Variants in GPA33 observed in about 807,000 individuals in gnomAD.
GPA33 encodes the protein cell surface A33 antigen.
GPA33 carries 27 observed loss-of-function variants against 35.6 expected under a neutral mutation model. The ratio of observed to expected loss-of-function variants is 0.76; its 90% CI spans 0.56 to 1.04. The LOEUF is 1.04. Among genes scored for constraint, GPA33 ranks in the 50% least tolerant of loss-of-function variants. GPA33 has a pLI of 0.00. For missense variants in GPA33, 428 were observed against 411.9 expected, an observed-to-expected ratio of 1.04 and a Z score of -0.34; for synonymous variants, 176 against 164.0, an observed-to-expected ratio of 1.07 and a Z score of -0.56.
intron 1 of GPA33, among the ~76,000 whole-genome samples, chr1:167,085,254 G>A (rs1408173155): frequency 6.6e-6 from 1 of 152,164 alleles, no homozygotes. Flanking sequence ...AGGCTGCTAA[G>A]GAGACATGGA....
chr1:167,062,646 CTT>C (rs768326263), intron 4 of GPA33, among the ~76,000 whole-genome samples: 1,195 of 79,968 alleles, frequency 0.015, 18 homozygotes, highest in Admixed American at 0.023. Flanking sequence ...ATAGCTCTTT[CTT>C]TTTTTTTTTT....
intron 3 of GPA33, among the ~76,000 whole-genome samples, chr1:167,064,301 G>C (rs191519434): frequency 6.4e-4 from 85 of 132,022 alleles, no homozygotes; most frequent in Non-Finnish European, 1.1e-3. Flanking sequence ...AGAAAGAAAA[G>C]AAAAAAAGAA....
rs1203464627 is a variant in GPA33 at position 167,053,290 on chromosome 1, C to T, written c.*1044G>A. 1 of 152,268 alleles carries T rather than the reference C, an allele frequency of 6.6e-6. No homozygotes were observed. The highest frequency in any genetic ancestry group is 6.5e-5 in the Admixed American group (1 of 15,288). 9.4% of individuals were successfully genotyped at this position (152,268 alleles called of 1,614,324 possible). On this transcript the variant is annotated 3_prime_UTR_variant, in exon 7 of 7. Transcript: ENST00000367868. ...CTCAGACCATCTGCAAGCAAGCTCC[C>T]TTGTGTGTGTTCACTTTAAATCAAT...
chr1:167,090,158 G>T lies in GPA33; in HGVS notation c.43+87C>A, dbSNP rs570456940. ...CTGTGTTGCTGGAGGCCCTTCCTGG[G>T]AAGGCTCTGACAGAGCCTCTCCTTC... On this transcript the variant is annotated intron_variant, in intron 1 of 6. Transcript: ENST00000367868. 26 of 1,022,710 alleles carry T rather than the reference G, an allele frequency of 2.5e-5. No homozygotes were observed. In the African/African-American group the frequency reaches 4.0e-4, roughly 16 times the overall value. The allele number at this position is 1,022,710 out of a possible 1,614,324, so 63.4% of individuals were successfully genotyped here.
intron 1 of GPA33, among the ~76,000 whole-genome samples, chr1:167,077,174 C>A (rs186249427): frequency 6.6e-6 from 1 of 151,950 alleles, no homozygotes; most frequent in Admixed American, 6.6e-5. Flanking sequence ...CCACTGCACT[C>A]CAACCTGGGC....
At chr1:167,079,484 CAAAA>C (rs59745946) in intron 1 of GPA33, among the ~76,000 whole-genome samples, 2 of 75,630 alleles carry the variant, frequency 2.6e-5, no homozygotes. Flanking sequence ...ACTCCGTCTC[CAAAA>C]AAAAAAAAAA....
chr1:167,080,706 C>T (rs1054878332), intron 1 of GPA33, among the ~76,000 whole-genome samples: 1 of 152,204 alleles, frequency 6.6e-6, no homozygotes, highest in African/African-American at 2.4e-5. Flanking sequence ...ACATAAAGTG[C>T]ATATCCTTTA....
chr1:167,088,273 C>T (rs928145538), intron 1 of GPA33, among the ~76,000 whole-genome samples: 5 of 152,200 alleles, frequency 3.3e-5, no homozygotes, highest in African/African-American at 1.2e-4. Flanking sequence ...GTGGTATCCT[C>T]TCATGAGGCA....
At chr1:167,070,727 T>C (rs965733492) in intron 2 of GPA33, among the ~76,000 whole-genome samples, 1 of 152,052 alleles carries the variant, frequency 6.6e-6, no homozygotes, top group African/African-American at 2.4e-5. Context: ...AGGTAAAAAA[T>C]GATGGGTCCT....
intron 4 of GPA33, among the ~76,000 whole-genome samples, chr1:167,061,578 TACTA>T (rs1265649596): frequency 6.7e-5 from 10 of 148,740 alleles, no homozygotes; most frequent in African/African-American, 1.7e-4. Context: ...GAGTGGATTC[TACTA>T]ACTGTTTTTT....
In GPA33 at chr1:167,068,942, C is replaced by A. The variant is rs757967948; in HGVS notation, c.395G>T (p.Arg132Leu). The stretch of plus-strand genomic sequence containing the variant: ...CTCACCGAGGACCAACAGGCGGACA[C>A]GTGACTTGGTGTTGCCCTCCAGGTC... ...MSDLEGNTKS[R>L]VRLLVLVPPS... The change falls in exon 3 of 7, where the codon CGT (arginine) becomes CTT (leucine). Residue 132 changes from arginine to leucine, a missense_variant. Coordinates refer to ENST00000367868, the MANE Select transcript of GPA33 (RefSeq NM_005814.3). 1 of 1,612,792 alleles carries A rather than the reference C, an allele frequency of 6.2e-7. No individual in the cohort carries two copies. The highest frequency in any genetic ancestry group is 1.3e-5 in the African/African-American group (1 of 74,868).
Position 167,068,936 on chromosome 1 carries a change from C to G in GPA33, c.401G>C (p.Arg134Pro). The change falls in exon 3 of 7, where the codon CGC becomes CCC. Residue 134 changes from arginine to proline, a missense_variant. Coordinates refer to ENST00000367868, the MANE Select transcript of GPA33 (RefSeq NM_005814.3). ...DLEGNTKSRVRLLVLVPPSKP... is the reference protein window; with the variant it reads ...DLEGNTKSRVPLLVLVPPSKP... The stretch of plus-strand genomic sequence containing the variant: ...AAGACACTCACCGAGGACCAACAGG[C>G]GGACACGTGACTTGGTGTTGCCCTC... 1 of 1,612,264 alleles carries G rather than the reference C, an allele frequency of 6.2e-7. No homozygotes were observed. The highest frequency in any genetic ancestry group is 2.2e-5 in the East Asian group (1 of 44,880).
intron 3 of GPA33, among the ~76,000 whole-genome samples, chr1:167,067,557 C>G (rs1344285571): frequency 2.0e-5 from 3 of 152,092 alleles, no homozygotes; most frequent in African/African-American, 7.2e-5. Flanking sequence ...TGCATTAATA[C>G]TTCCATTGCC....
At chr1:167,065,147 T>C (rs1375423027) in intron 3 of GPA33, among the ~76,000 whole-genome samples, 1 of 152,016 alleles carries the variant, frequency 6.6e-6, no homozygotes, top group Non-Finnish European at 1.5e-5. Flanking sequence ...ACACAGTGGG[T>C]GGGTCAAGGA....
intron 1 of GPA33, among the ~76,000 whole-genome samples, chr1:167,076,288 G>T (rs1218600019): frequency 6.6e-6 from 1 of 152,164 alleles, no homozygotes; most frequent in Non-Finnish European, 1.5e-5. Flanking sequence ...GTTATGGGAG[G>T]ACAGGCCTTA....
chr1:167,054,154 G>T lies in GPA33; in HGVS notation c.*180C>A. On this transcript the variant is annotated 3_prime_UTR_variant, in exon 7 of 7. Transcript: ENST00000367868. ...CAGGACAGTGAGGTCAGCAGGATCAGCACAGGGACCCCCTTACCAGGCCAG... is the reference window on the plus strand; with the variant it reads ...CAGGACAGTGAGGTCAGCAGGATCATCACAGGGACCCCCTTACCAGGCCAG... 1 of 747,144 alleles carries T rather than the reference G, an allele frequency of 1.3e-6. No homozygotes were observed. Among genetic ancestry groups the T allele is most frequent in the Non-Finnish European group, 2.2e-6 (1 of 463,230 alleles). The allele number at this position is 747,144 out of a possible 1,614,324, so 46.3% of individuals were successfully genotyped here.
At chr1:167,089,873 T>A (rs1667121258) in intron 1 of GPA33, among the ~76,000 whole-genome samples, 2 of 152,094 alleles carry the variant, frequency 1.3e-5, no homozygotes, top group Admixed American at 6.6e-5. Flanking sequence ...AACGTTAATA[T>A]ACTAGATAAT....
At chr1:167,087,340 C>T (rs1446893276) in intron 1 of GPA33, among the ~76,000 whole-genome samples, 1 of 152,202 alleles carries the variant, frequency 6.6e-6, no homozygotes, top group Non-Finnish European at 1.5e-5. Flanking sequence ...GTCAAGTCCT[C>T]TTCTAAGATT....
rs373226332 is a variant in GPA33, at chr1:167,054,474, G to A, written c.828-8C>T. 2.5e-6 allele frequency: 4 copies of A among 1,613,962 alleles called. No individual in the cohort carries two copies. In the African/African-American group the frequency reaches 5.3e-5, roughly 22 times the overall value. ...TCATAGGCTTCCCGGTTCCTGCAGG[G>A]CAGCAGGGGACAGAGGGGAAGGATT... On this transcript the variant is annotated splice_region_variant and splice_polypyrimidine_tract_variant and intron_variant, in intron 6 of 6. Transcript: ENST00000367868.
Sources: allele counts gnomAD v4.1 joint callset (sites outside exome capture counted in the v4.1 genomes callset), GRCh38; gene constraint gnomAD v4.1.1; transcripts MANE v1.5; gene names NCBI Gene and HGNC (gene_info 2026-07-23, HGNC 2026-07-21).